NIPAL1: variants seen among roughly 807,000 people sequenced by gnomAD.
The protein encoded by NIPAL1 is magnesium transporter NIPA3.
Under a neutral mutation model 37.7 loss-of-function variants are expected in NIPAL1, and 35 were observed. The ratio of observed to expected loss-of-function variants is 0.93; its 90% confidence interval spans 0.71 to 1.23. NIPAL1 has a LOEUF of 1.23. Ranked by LOEUF, NIPAL1 falls within the 50% of genes most tolerant of loss-of-function variation. The pLI, the probability that NIPAL1 is intolerant of heterozygous loss-of-function variation, is 0.00. For synonymous variants in NIPAL1, 162 were observed against 183.0 expected (o/e 0.89, Z 0.93); for missense variants, 412 against 473.9 (o/e 0.87, Z 1.21).
At position 48,034,903 on chromosome 4, in the gene NIPAL1, TTA is replaced by T; in HGVS notation, c.485_486del (p.Leu162Ter). On this transcript the variant is annotated frameshift_variant, in exon 5 of 6. Coordinates refer to ENST00000295461, the MANE Select transcript of NIPAL1 (RefSeq NM_207330.3). LOFTEE classifies it high-confidence loss of function. ...CAGTGCAATATTATCTTCCTACTTT[TTA>T]AACGAGCACTTGAACATTCATGGGA... The part of the protein sequence containing the change: ...LISAILSSYF[L>X]NEHLNIHGKI... 1 of 1,613,300 alleles carries T rather than the reference TTA, an allele frequency of 6.2e-7. No homozygotes were observed. The highest frequency in any genetic ancestry group is 8.5e-7 in the Non-Finnish European group (1 of 1,179,384).
At chr4:48,025,897 C>A (rs542122768) in intron 2 of NIPAL1, among the ~76,000 whole-genome samples, 5 of 152,260 alleles carry the variant, frequency 3.3e-5, no homozygotes, top group East Asian at 3.9e-4. Flanking sequence ...TTCTGTCCCA[C>A]CCCCAGGTCT....
At chr4:48,020,592 A>G (rs577949384) in intron 1 of NIPAL1, among the ~76,000 whole-genome samples, 1 of 152,272 alleles carries the variant, frequency 6.6e-6, no homozygotes, top group Admixed American at 6.5e-5. Context: ...ATGTGTCTTC[A>G]TTTGGGTGCA....
At position 48,034,993 on chromosome 4, in the gene NIPAL1, G is replaced by A; in HGVS notation, c.574G>A (p.Glu192Lys). 1.9e-6 allele frequency: 3 copies of A among 1,614,022 alleles called. No individual in the cohort carries two copies. The highest frequency in any genetic ancestry group is 2.5e-6 in the Non-Finnish European group (3 of 1,179,894). ...GATGGTTATCCATGCCCCACAAGAAGAGGAAGTCACATCTTTGCATGAAAT... is the reference window on the plus strand; with the variant it reads ...GATGGTTATCCATGCCCCACAAGAAAAGGAAGTCACATCTTTGCATGAAAT... ...TVMVIHAPQE[E>K]EVTSLHEMEM... The change falls in exon 5 of 6, where the codon GAG becomes AAG. Residue 192 changes from glutamate to lysine, a missense_variant. Physicochemically the swap from Glu to Lys is moderately conservative, Grantham distance 56. Transcript: ENST00000295461.
chr4:48,037,299 T>C lies in NIPAL1; in HGVS notation c.*1127T>C, dbSNP rs1032374891. 34 of 429,752 alleles carry C rather than the reference T, an allele frequency of 7.9e-5. No individual in the cohort carries two copies. The highest frequency in any genetic ancestry group is 1.6e-4 in the Non-Finnish European group (34 of 216,250). 26.6% of individuals were successfully genotyped at this position (429,752 alleles called of 1,614,324 possible). A position where few individuals can be genotyped will look rare whatever the true frequency, so the allele number is the denominator to read the frequency against. ...CACAGGTTCCATTAATTAACTCAGG[T>C]CTGGAAGACATAGGACAAAATGGAG... On this transcript the variant is annotated 3_prime_UTR_variant, in exon 6 of 6. Coordinates refer to ENST00000295461, the MANE Select transcript of NIPAL1 (RefSeq NM_207330.3).
chr4:48,017,935 C>T (rs1715479322), intron 1 of NIPAL1, among the ~76,000 whole-genome samples: 1 of 151,890 alleles, frequency 6.6e-6, no homozygotes, highest in Admixed American at 6.6e-5. Flanking sequence ...AGTTTCCTCT[C>T]CTCTTGACTC....
chr4:48,036,534 G>A lies in NIPAL1; in HGVS notation c.*362G>A. ...CATTCACCAATATACAGTTAGCAGT[G>A]TTCTGATAGACACAGTATCAGTCAT... On this transcript the variant is annotated 3_prime_UTR_variant, in exon 6 of 6. Transcript: ENST00000295461. 1 of 236,408 alleles carries A rather than the reference G, an allele frequency of 4.2e-6. No homozygotes were observed. The allele number at this position is 236,408 out of a possible 1,614,324, so 14.6% of individuals were successfully genotyped here.
chr4:48,028,201 C>T (rs1308212323), intron 2 of NIPAL1, among the ~76,000 whole-genome samples: 1 of 152,100 alleles, frequency 6.6e-6, no homozygotes, highest in African/African-American at 2.4e-5. Flanking sequence ...ATAACCAAAA[C>T]AGCATGGTAC....
chr4:48,026,720 A>T (rs569702387), intron 2 of NIPAL1, among the ~76,000 whole-genome samples: 14 of 142,350 alleles, frequency 9.8e-5, no homozygotes, highest in Admixed American at 2.1e-4. Flanking sequence ...TAAAAATAAA[A>T]TTTTTTTTTT....
intron 4 of NIPAL1, among the ~76,000 whole-genome samples, chr4:48,033,629 T>C (rs10517203): frequency 0.01 from 1,559 of 152,366 alleles, 28 homozygotes; most frequent in African/African-American, 0.035. Flanking sequence ...CATTGTTTGC[T>C]GGATACTTCT....
chr4:48,021,265 G>A (rs1442946689), intron 1 of NIPAL1, among the ~76,000 whole-genome samples: 1 of 152,060 alleles, frequency 6.6e-6, no homozygotes, highest in African/African-American at 2.4e-5. Context: ...GTAATTCTGA[G>A]AACAAACATA....
rs1715937785 is a variant in NIPAL1 at position 48,036,160 on chromosome 4, A to T, written c.1221A>T (p.Arg407Ser). 2.5e-6 allele frequency: 4 copies of T among 1,600,020 alleles called. No individual in the cohort carries two copies. The highest frequency in any genetic ancestry group is 3.4e-6 in the Non-Finnish European group (4 of 1,177,008). Residue 407 changes from arginine to serine, a missense_variant, in exon 6 of 6, where the codon AGA becomes AGT. By Grantham distance (110) the Arg-to-Ser change is moderately radical. Transcript: ENST00000295461. ...ATGATGACGTTACCTTGTTTAGTAGAACTGATGACTGAAGTCTCTAGAAAC... is the reference window on the plus strand; with the variant it reads ...ATGATGACGTTACCTTGTTTAGTAGTACTGATGACTGAAGTCTCTAGAAAC... Reference protein sequence around the residue: ...GYNDDVTLFSRTDD With the variant: ...GYNDDVTLFSSTDD
At chr4:48,016,908 G>C in intron 1 of NIPAL1, 23 bp downstream of exon 1, 1 of 1,588,640 alleles carries the variant, frequency 6.3e-7, no homozygotes, top group South Asian at 1.1e-5. Context: ...CCTGAGCCGA[G>C]GGACCTGGCA....
intron 4 of NIPAL1, among the ~76,000 whole-genome samples, chr4:48,033,565 G>A (rs1021303238): frequency 3.9e-4 from 59 of 152,270 alleles, no homozygotes; most frequent in African/African-American, 1.4e-3. Context: ...GTTATCAGAG[G>A]ACTTTTACAA....
rs755251294 is a variant in NIPAL1, at chr4:48,036,948, G to A, written c.*776G>A. On this transcript the variant is annotated 3_prime_UTR_variant, in exon 6 of 6. Transcript: ENST00000295461. The stretch of plus-strand genomic sequence containing the variant: ...GTCTCAAAAAAGAAGAAGAGAAAGG[G>A]CCAGGGGCTTTTGCTTTAAAAAACT... 1 of 155,914 alleles carries A rather than the reference G, an allele frequency of 6.4e-6. No individual in the cohort carries two copies. The highest frequency in any genetic ancestry group is 6.4e-5 in the Admixed American group (1 of 15,550). 9.7% of individuals were successfully genotyped at this position (155,914 alleles called of 1,614,324 possible).
rs752078088 is a variant in NIPAL1 at position 48,035,962 on chromosome 4, G to C, written c.1023G>C (p.Leu341=). The C allele has an allele frequency of 6.2e-7, 1 of 1,613,828 alleles. No individual in the cohort carries two copies. The part of the protein sequence containing the change: ...GMTAGDIIGT[L]SGFFTIIIGI... ...CAGCTGGAGATATCATTGGGACCCT[G>C]AGTGGATTCTTCACTATTATCATTG... The change falls in exon 6 of 6, where the codon CTG becomes CTC. Residue 341 remains leucine (L), a synonymous_variant. Coordinates refer to ENST00000295461, the MANE Select transcript of NIPAL1 (RefSeq NM_207330.3).
At chr4:48,031,125 C>T (rs946405949) in intron 3 of NIPAL1, among the ~76,000 whole-genome samples, 3 of 151,994 alleles carry the variant, frequency 2.0e-5, no homozygotes, top group African/African-American at 7.3e-5. Context: ...AGTGCACTGG[C>T]AGGATCTCGG....
intron 2 of NIPAL1, among the ~76,000 whole-genome samples, chr4:48,029,050 G>T (rs1322012721): frequency 1.3e-5 from 2 of 152,146 alleles, no homozygotes; most frequent in Non-Finnish European, 2.9e-5. Flanking sequence ...CTTTAATGCA[G>T]CAGTCCCACT....
intron 3 of NIPAL1, among the ~76,000 whole-genome samples, chr4:48,031,988 C>T (rs2109371151): frequency 6.6e-6 from 1 of 152,348 alleles, no homozygotes. Flanking sequence ...ATCTTCTCCC[C>T]TCTGCCTCCC....
In NIPAL1 at chr4:48,018,988, TG is replaced by T. The variant is rs1480893668; in HGVS notation, c.46+2104del. 6.6e-5 allele frequency among the ~76,000 whole-genome samples: 10 copies of T among 152,320 alleles called. No homozygotes were observed. In the East Asian group the frequency reaches 1.9e-3, roughly 29 times the overall value. ...ATAGAACATTCCAGTTGAACTTCCA[TG>T]AAGAAAAAGTTAATTTCATACTTTG... On this transcript the variant is annotated intron_variant, in intron 1 of 5. Transcript: ENST00000295461.
Sources: allele counts gnomAD v4.1 joint callset (sites outside exome capture counted in the v4.1 genomes callset), GRCh38; gene constraint gnomAD v4.1.1; transcripts MANE v1.5; gene names NCBI Gene and HGNC (gene_info 2026-07-23, HGNC 2026-07-21).